The following SNTG1 variants were observed in gnomAD, a reference collection of about 807,000 sequenced individuals.
SNTG1 encodes the protein syntrophin gamma 1, also known as gamma-1-syntrophin.
Under a neutral mutation model 74.7 loss-of-function variants are expected in SNTG1, and 39 were observed. The observed-to-expected ratio is 0.52, with a 90% CI of 0.40 to 0.68. The LOEUF (loss-of-function observed/expected upper bound fraction) is 0.68, where lower values mean the gene tolerates loss of function less well. Among genes scored for constraint, SNTG1 ranks in the 30% least tolerant of loss-of-function variants. SNTG1 has a pLI of 0.00. For missense variants in SNTG1, 685 were observed against 609.5 expected (o/e 1.12, Z -1.30); for synonymous variants, 254 against 217.1 (o/e 1.17, Z -1.49).
At chr8:50,216,864 AT>A (rs1340368556) in intron 2 of SNTG1, among the ~76,000 whole-genome samples, 1 of 152,112 alleles carries the variant, frequency 6.6e-6, no homozygotes, top group Non-Finnish European at 1.5e-5. Context: ...GCATGCCAGA[AT>A]AGCATTTGGA....
intron 2 of SNTG1, among the ~76,000 whole-genome samples, chr8:50,237,234 G>A (rs900541121): frequency 2.6e-5 from 4 of 151,810 alleles, no homozygotes; most frequent in African/African-American, 7.3e-5. Context: ...GCTTTTCTAT[G>A]GAGTAGGTTA....
At chr8:50,521,758 T>C (rs2094181441) in intron 9 of SNTG1, among the ~76,000 whole-genome samples, 3 of 152,196 alleles carry the variant, frequency 2.0e-5, no homozygotes, top group South Asian at 2.1e-4. Flanking sequence ...ATTTCAACAA[T>C]GTTCATAGCA....
chr8:50,434,299 T>A (rs561228293), intron 4 of SNTG1, among the ~76,000 whole-genome samples: 8 of 152,200 alleles, frequency 5.3e-5, no homozygotes, highest in Non-Finnish European at 1.0e-4. Context: ...TTGATGGACA[T>A]TTGGGTTAGT....
At chr8:50,668,183 T>A (rs1331110223) in intron 15 of SNTG1, among the ~76,000 whole-genome samples, 7 of 151,986 alleles carry the variant, frequency 4.6e-5, no homozygotes, top group Non-Finnish European at 8.8e-5. Flanking sequence ...TTATTTTTGT[T>A]ATCTAATAAC....
chr8:50,043,572 T>C (rs565632084), intron 1 of SNTG1, among the ~76,000 whole-genome samples: 45 of 152,350 alleles, frequency 3.0e-4, no homozygotes, highest in African/African-American at 8.9e-4. Flanking sequence ...TTCACACTCC[T>C]GGCCTCACAC....
intron 2 of SNTG1, among the ~76,000 whole-genome samples, chr8:50,204,879 T>A (rs914231135): frequency 6.6e-6 from 1 of 152,164 alleles, no homozygotes; most frequent in Non-Finnish European, 1.5e-5. Context: ...TTCATCCATG[T>A]CCCTACAAAG....
chr8:49,998,621 C>CACACAG (rs1414228480), intron 1 of SNTG1, among the ~76,000 whole-genome samples: 1 of 151,410 alleles, frequency 6.6e-6, no homozygotes, highest in African/African-American at 2.4e-5. Flanking sequence ...CACACACACA[C>CACACAG]ACACAGTATC....
At chr8:50,391,143 T>C (rs1253640927) in intron 2 of SNTG1, among the ~76,000 whole-genome samples, 1 of 152,192 alleles carries the variant, frequency 6.6e-6, no homozygotes, top group East Asian at 1.9e-4. Flanking sequence ...ATCCCTGTCT[T>C]GTGCCAGTTT....
chr8:50,395,106 G>C (rs886516408), intron 3 of SNTG1, among the ~76,000 whole-genome samples: 2 of 152,066 alleles, frequency 1.3e-5, no homozygotes, highest in Non-Finnish European at 2.9e-5. Flanking sequence ...TGTGTTTACA[G>C]TTCTTGCATG....
At chr8:49,985,382 C>T (rs573096956) in intron 1 of SNTG1, among the ~76,000 whole-genome samples, 3 of 152,184 alleles carry the variant, frequency 2.0e-5, no homozygotes, top group South Asian at 4.1e-4. Flanking sequence ...CTGCCCGTCT[C>T]GGCTTCCTAA....
At chr8:50,521,178 C>T (rs1465347971) in intron 9 of SNTG1, among the ~76,000 whole-genome samples, 1 of 152,004 alleles carries the variant, frequency 6.6e-6, no homozygotes, top group East Asian at 1.9e-4. Context: ...AACAGAAAAC[C>T]AAACACCAGG....
chr8:50,210,396 C>A (rs1051272501), intron 2 of SNTG1, among the ~76,000 whole-genome samples: 1 of 152,172 alleles, frequency 6.6e-6, no homozygotes, highest in East Asian at 1.9e-4. Context: ...AGATATTCCT[C>A]GAGAAGAGCA....
At chr8:50,257,234 G>C (rs1208140109) in intron 2 of SNTG1, among the ~76,000 whole-genome samples, 1 of 152,156 alleles carries the variant, frequency 6.6e-6, no homozygotes, top group East Asian at 1.9e-4. Context: ...CCAAGGAATT[G>C]CAGATGAAAA....
At chr8:50,457,556 A>C (rs1563413393) in intron 8 of SNTG1, among the ~76,000 whole-genome samples, 1 of 152,242 alleles carries the variant, frequency 6.6e-6, no homozygotes, top group Non-Finnish European at 1.5e-5. Context: ...ATGACAATGA[A>C]TAACTCTTTA....
chr8:50,287,267 T>C (rs11989138), intron 2 of SNTG1, among the ~76,000 whole-genome samples: 10,592 of 152,226 alleles, frequency 0.07, 410 homozygotes, highest in African/African-American at 0.085. Flanking sequence ...GCCTACTGAA[T>C]ACTTACTAGT....
At chr8:50,392,373 A>G (rs187974096) in intron 2 of SNTG1, among the ~76,000 whole-genome samples, 2 of 152,320 alleles carry the variant, frequency 1.3e-5, no homozygotes, top group Non-Finnish European at 1.5e-5. Context: ...AGAAAGAATA[A>G]AAGCCAAAAC....
At chr8:49,911,150 T>C (rs2129332072), upstream of SNTG1, 1 of 152,354 alleles carries the variant, frequency 6.6e-6, no homozygotes, top group South Asian at 2.1e-4. Flanking sequence ...TCTAAGAATC[T>C]TCACTGGGTT....
chr8:50,236,241 A>G (rs1204403750), intron 2 of SNTG1, among the ~76,000 whole-genome samples: 1 of 152,182 alleles, frequency 6.6e-6, no homozygotes, highest in Non-Finnish European at 1.5e-5. Context: ...AAAGTAACAC[A>G]TTAAGAAGAT....
At chr8:50,523,393 A>T (rs749717474) in intron 9 of SNTG1, among the ~76,000 whole-genome samples, 2 of 152,166 alleles carry the variant, frequency 1.3e-5, no homozygotes, top group Non-Finnish European at 2.9e-5. Flanking sequence ...TTTCAATATG[A>T]CTTCTTCACT....
Sources: gnomAD v4.1 joint callset for allele counts (sites outside exome capture counted in the v4.1 genomes callset) on GRCh38, gnomAD v4.1.1 for gene constraint, MANE v1.5 for transcripts, NCBI Gene and HGNC (gene_info 2026-07-23, HGNC 2026-07-21) for gene names.